The following DLG2 variants were observed in gnomAD, a reference collection of about 807,000 sequenced individuals.
The protein encoded by DLG2 is discs large MAGUK scaffold protein 2.
Under a neutral mutation model 132.5 loss-of-function variants are expected in DLG2, and 45 were observed. That is an observed-to-expected ratio of 0.34 (90% CI 0.27 to 0.44). The LOEUF (loss-of-function observed/expected upper bound fraction) is 0.44, where lower values mean the gene tolerates loss of function less well. DLG2 is among the 20% of genes least tolerant of loss of function. The pLI is 1.00. For missense variants in DLG2, 1,045 were observed against 1,196.9 expected, an observed-to-expected ratio of 0.87 and a Z score of 1.87; for synonymous variants, 424 against 419.6, an observed-to-expected ratio of 1.01 and a Z score of -0.13.
intron 17 of DLG2, among the ~76,000 whole-genome samples, chr11:83,810,521 T>C (rs934516214): frequency 2.0e-5 from 3 of 152,092 alleles, no homozygotes; most frequent in Admixed American, 6.6e-5. Flanking sequence ...CTGGCTTGTG[T>C]CATCATTTAG....
chr11:85,611,825 G>A (rs4944527), intron 2 of DLG2, among the ~76,000 whole-genome samples: 16,742 of 152,228 alleles, frequency 0.11, 1,143 homozygotes, highest in East Asian at 0.29. Context: ...AAAAACCCAA[G>A]GGGGTGGCAG....
intron 11 of DLG2, among the ~76,000 whole-genome samples, chr11:83,982,480 T>TAAAAAA (rs58418988): frequency 7.3e-5 from 5 of 68,586 alleles, no homozygotes; most frequent in South Asian, 3.9e-4. Context: ...GTTTAACGTG[T>TAAAAAA]AAAAAAAAAA....
At chr11:84,976,239 G>A (rs924225238) in intron 6 of DLG2, among the ~76,000 whole-genome samples, 1 of 152,156 alleles carries the variant, frequency 6.6e-6, no homozygotes. Flanking sequence ...ATGGGAAGTT[G>A]ATACATGTTT....
At chr11:84,521,288 G>A (rs1443737402) in intron 7 of DLG2, among the ~76,000 whole-genome samples, 1 of 152,084 alleles carries the variant, frequency 6.6e-6, no homozygotes, top group Non-Finnish European at 1.5e-5. Flanking sequence ...CCTAGAAATT[G>A]AAATAAGTGA....
chr11:84,360,309 A>G (rs1180341526), intron 7 of DLG2, among the ~76,000 whole-genome samples: 3 of 151,948 alleles, frequency 2.0e-5, no homozygotes, highest in Non-Finnish European at 4.4e-5. Flanking sequence ...AATAGAAAAG[A>G]AAACTGGTTA....
At chr11:84,940,432 CA>C (rs1174011830) in intron 6 of DLG2, among the ~76,000 whole-genome samples, 12 of 152,212 alleles carry the variant, frequency 7.9e-5, no homozygotes, top group African/African-American at 2.9e-4. Flanking sequence ...GGATTACAGG[CA>C]TGAGCCATGC....
At chr11:85,263,975 A>T (rs1255803775) in intron 4 of DLG2, among the ~76,000 whole-genome samples, 2 of 152,216 alleles carry the variant, frequency 1.3e-5, no homozygotes, top group African/African-American at 4.8e-5. Flanking sequence ...GCAAAGAGGC[A>T]GGGGCTGAAG....
At chr11:84,544,153 A>G (rs2099384862) in intron 6 of DLG2, among the ~76,000 whole-genome samples, 2 of 152,178 alleles carry the variant, frequency 1.3e-5, no homozygotes, top group Admixed American at 6.5e-5. Context: ...TAGAAATGCC[A>G]TTTCTCCCCT....
Position 85,031,550 on chromosome 11 carries a change from A to C in DLG2, c.357+80111T>G, listed in dbSNP as rs567759240. Among the ~76,000 whole-genome samples the C allele has an allele frequency of 2.6e-5, 4 of 152,170 alleles. No homozygotes were observed. In the South Asian group the frequency reaches 8.3e-4, roughly 32 times the overall value. On this transcript the variant is annotated intron_variant, in intron 6 of 27. Coordinates refer to ENST00000376104, the MANE Select transcript of DLG2 (RefSeq NM_001142699.3). ...AAATATTACTTTCCTTCTTCATAATAGTGTAGGAATCCCACCACATATCTC... is the reference window on the plus strand; with the variant it reads ...AAATATTACTTTCCTTCTTCATAATCGTGTAGGAATCCCACCACATATCTC...
At chr11:85,366,703 A>G (rs2084580446) in intron 3 of DLG2, among the ~76,000 whole-genome samples, 1 of 152,162 alleles carries the variant, frequency 6.6e-6, no homozygotes, top group African/African-American at 2.4e-5. Flanking sequence ...AATTTGCTGG[A>G]TAAGAGAGTT....
At chr11:84,221,546 T>G (rs1444665191) in intron 8 of DLG2, among the ~76,000 whole-genome samples, 1 of 152,206 alleles carries the variant, frequency 6.6e-6, no homozygotes, top group Non-Finnish European at 1.5e-5. Context: ...AAAGTTTCTT[T>G]GTTTCCTCCA....
At chr11:84,560,375 C>G (rs983790504) in intron 6 of DLG2, among the ~76,000 whole-genome samples, 7 of 152,024 alleles carry the variant, frequency 4.6e-5, no homozygotes, top group African/African-American at 1.7e-4. Context: ...TACAAATGAC[C>G]AAGCAAGAGA....
intron 19 of DLG2, among the ~76,000 whole-genome samples, chr11:83,594,280 T>G (rs759115044): frequency 4.6e-5 from 7 of 152,216 alleles, no homozygotes; most frequent in African/African-American, 9.6e-5. Context: ...GAGTACTGAG[T>G]GACTGTGTGG....
At chr11:85,391,612 G>C (rs981066340) in intron 3 of DLG2, among the ~76,000 whole-genome samples, 3 of 152,098 alleles carry the variant, frequency 2.0e-5, no homozygotes, top group African/African-American at 7.2e-5. Flanking sequence ...TTTCATACCA[G>C]AGATGCTGGG....
chr11:83,937,945 G>C (rs75615270), intron 14 of DLG2, among the ~76,000 whole-genome samples: 1 of 151,994 alleles, frequency 6.6e-6, no homozygotes, highest in South Asian at 2.1e-4. Flanking sequence ...CCTGTCTTTT[G>C]GTTCAGCAAT....
chr11:84,041,777 C>T lies in DLG2; in HGVS notation c.919+17538G>A, dbSNP rs572671013. The stretch of plus-strand genomic sequence containing the variant: ...ATGTTGATATGGTTTGGCTATGTCC[C>T]CACCCAAATTCCATCTTGAAATGTA... On this transcript the variant is annotated intron_variant, in intron 11 of 27. Transcript: ENST00000376104. Among the ~76,000 whole-genome samples the T allele has an allele frequency of 2.0e-5, 3 of 151,862 alleles. No individual in the cohort carries two copies. In the East Asian group the frequency reaches 5.8e-4, roughly 30 times the overall value.
intron 6 of DLG2, among the ~76,000 whole-genome samples, chr11:85,067,975 T>C (rs1413182357): frequency 2.0e-5 from 3 of 152,090 alleles, no homozygotes; most frequent in Admixed American, 6.6e-5. Flanking sequence ...GCTTCGTCCC[T>C]GGGACGCAAG....
intron 3 of DLG2, among the ~76,000 whole-genome samples, chr11:85,529,982 GGTTT>G (rs2075071450): frequency 2.8e-5 from 4 of 141,794 alleles, no homozygotes; most frequent in Non-Finnish European, 6.1e-5. Flanking sequence ...GCCTAGAGAG[GGTTT>G]GTTTTTTTTT....
chr11:85,014,382 T>C lies in DLG2; in HGVS notation c.357+97279A>G, dbSNP rs563418678. On this transcript the variant is annotated intron_variant, in intron 6 of 27. Transcript: ENST00000376104. ...TCTTCCTTATATATGCAGTTTTTAA[T>C]TTAGGAAAGAGTAGGTATTACTTAA... 2.6e-5 allele frequency among the ~76,000 whole-genome samples: 4 copies of C among 152,310 alleles called. No homozygotes were observed. The South Asian group carries it at 8.3e-4, about 32-fold the overall frequency.
Sources: gnomAD v4.1 joint callset for allele counts (sites outside exome capture counted in the v4.1 genomes callset) on GRCh38, gnomAD v4.1.1 for gene constraint, MANE v1.5 for transcripts, NCBI Gene and HGNC (gene_info 2026-07-23, HGNC 2026-07-21) for gene names.